The following PDE6A variants were observed in gnomAD, a reference collection of about 807,000 sequenced individuals.
PDE6A encodes the protein rod cGMP-specific 3',5'-cyclic phosphodiesterase subunit alpha.
In PDE6A, 84 loss-of-function variants were observed where a neutral mutation model predicts 106.3. That is an observed-to-expected ratio of 0.79 (90% CI 0.66 to 0.95). The LOEUF (loss-of-function observed/expected upper bound fraction) is 0.95, where lower values mean the gene tolerates loss of function less well. Ranked by LOEUF, PDE6A falls within the 40% of genes least tolerant of loss-of-function variation. PDE6A has a pLI of 0.00. For synonymous variants in PDE6A, 394 were observed against 386.6 expected, an observed-to-expected ratio of 1.02 and a Z score of -0.23; for missense variants, 1,052 against 1,084.9, an observed-to-expected ratio of 0.97 and a Z score of 0.43.
chr5:149,923,506 AAC>A lies in PDE6A; in HGVS notation c.859-1799_859-1798del, dbSNP rs1753782365. ...GAGTGAGACTCTGTCTCAAATAAATAACATAACATAACATAACATAACATAAC... is the reference window on the plus strand; with the variant it reads ...GAGTGAGACTCTGTCTCAAATAAATAATAACATAACATAACATAACATAAC... On this transcript the variant is annotated intron_variant, in intron 4 of 21. Coordinates refer to ENST00000255266, the MANE Select transcript of PDE6A (RefSeq NM_000440.3). Among the ~76,000 whole-genome samples, 6 of 162 alleles carry A rather than the reference AAC, an allele frequency of 0.037. 1 individual carries two copies. The South Asian group carries it at 0.43, about 12-fold the overall frequency. The allele number at this position is 162 out of a possible 152,430, so 0.1% of individuals were successfully genotyped here.
At chr5:149,900,680 T>G (rs539248848) in intron 8 of PDE6A, among the ~76,000 whole-genome samples, 1 of 151,888 alleles carries the variant, frequency 6.6e-6, no homozygotes, top group Non-Finnish European at 1.5e-5. Flanking sequence ...TAAATAATAC[T>G]GGAAAGTAAA....
chr5:149,894,316 T>C (rs1752651397), intron 13 of PDE6A, among the ~76,000 whole-genome samples: 1 of 152,146 alleles, frequency 6.6e-6, no homozygotes, highest in African/African-American at 2.4e-5. Flanking sequence ...GCTGTTTCTC[T>C]AGACACTGCC....
intron 6 of PDE6A, among the ~76,000 whole-genome samples, chr5:149,909,928 A>C (rs1317487157): frequency 6.6e-6 from 1 of 152,188 alleles, no homozygotes; most frequent in African/African-American, 2.4e-5. Context: ...TGTTCTATCT[A>C]TATTTATTAG....
chr5:149,865,450 GA>G (rs769897148), intron 20 of PDE6A, among the ~76,000 whole-genome samples: 1 of 151,178 alleles, frequency 6.6e-6, no homozygotes, highest in Non-Finnish European at 1.5e-5. Flanking sequence ...TGTCCTCAAT[GA>G]AAAAAAAGAA....
chr5:149,918,521 G>A (rs12654002), intron 5 of PDE6A, among the ~76,000 whole-genome samples: 133 of 152,306 alleles, frequency 8.7e-4, no homozygotes, highest in East Asian at 3.5e-3. Context: ...ACTTAATTTC[G>A]TATGGAGTGA....
chr5:149,859,577 C>T lies in PDE6A; in HGVS notation c.*1318G>A, dbSNP rs1319179994. The T allele has an allele frequency of 6.6e-6, 1 of 152,310 alleles. No individual in the cohort carries two copies. The allele number at this position is 152,310 out of a possible 1,614,324, so 9.4% of individuals were successfully genotyped here. The stretch of plus-strand genomic sequence containing the variant: ...GAGGAGTCGTGGAGCTGGAACAGCC[C>T]TGCACAGTTATCCCATGCTCAGCCA... On this transcript the variant is annotated 3_prime_UTR_variant, in exon 22 of 22. Transcript: ENST00000255266.
At position 149,944,289 on chromosome 5, in the gene PDE6A, C is replaced by G; in HGVS notation, c.385G>C (p.Asp129His). Residue 129 changes from aspartate (D) to histidine (H), a missense_variant, in exon 1 of 22, where the codon GAC becomes CAC. Around this residue, in one of 3 missense-constraint regions of PDE6A, gnomAD observed 913 missense variants for 915.2 expected, o/e 1.00. Transcript: ENST00000255266. ...AVLEDCLVMP[D>H]QEIVFPLDMG... ...TCCAAAGGGAAGACGATCTCTTGGT[C>G]GGGCATCACCAGGCAGTCCTCGAGG... 1 of 1,613,942 alleles carries G rather than the reference C, an allele frequency of 6.2e-7. No homozygotes were observed. The highest frequency in any genetic ancestry group is 1.6e-4 in the Middle Eastern group (1 of 6,062).
intron 4 of PDE6A, among the ~76,000 whole-genome samples, chr5:149,929,825 A>C (rs1258880119): frequency 6.6e-6 from 1 of 152,028 alleles, no homozygotes; most frequent in Non-Finnish European, 1.5e-5. Flanking sequence ...CTGTTCCTTA[A>C]TTTTGGTGGT....
intron 3 of PDE6A, 148 bp from the exon 4 acceptor site, chr5:149,931,316 T>C (rs1427023735): frequency 1.4e-6 from 1 of 738,384 alleles, no homozygotes; most frequent in South Asian, 1.7e-5. Flanking sequence ...AGGTTAACTA[T>C]CCCCTATTTT....
At chr5:149,884,342 A>ATG (rs1467670353) in intron 16 of PDE6A, 137 bp downstream of exon 16, 2 of 638,034 alleles carry the variant, frequency 3.1e-6, no homozygotes, top group Non-Finnish European at 5.7e-6. Context: ...ATGTATATAT[A>ATG]TGTGTGTATA....
At chr5:149,924,749 T>C (rs1398573074) in intron 4 of PDE6A, among the ~76,000 whole-genome samples, 2 of 152,128 alleles carry the variant, frequency 1.3e-5, no homozygotes, top group Non-Finnish European at 2.9e-5. Context: ...TGGGCCAAAA[T>C]CCCAGAGAGA....
At chr5:149,887,135 G>A (rs774922507) in intron 13 of PDE6A, among the ~76,000 whole-genome samples, 3 of 152,112 alleles carry the variant, frequency 2.0e-5, no homozygotes, top group East Asian at 1.9e-4. Flanking sequence ...TGAAAAATAC[G>A]AACACAAATA....
chr5:149,932,260 GAAC>G, intron 3 of PDE6A: 2 of 1,421,362 alleles, frequency 1.4e-6, no homozygotes, highest in Non-Finnish European at 2.0e-6. Context: ...CCATTTTGGC[GAAC>G]AGCAGTTTCA....
intron 4 of PDE6A, among the ~76,000 whole-genome samples, chr5:149,927,344 G>A (rs1753892570): frequency 6.6e-6 from 1 of 152,104 alleles, no homozygotes; most frequent in Admixed American, 6.5e-5. Flanking sequence ...CGCTACTATA[G>A]ACTTTATAAA....
intron 6 of PDE6A, among the ~76,000 whole-genome samples, chr5:149,907,610 T>A (rs1039419042): frequency 6.6e-6 from 1 of 152,204 alleles, no homozygotes; most frequent in African/African-American, 2.4e-5. Context: ...AGTTTCACCA[T>A]CTGAGAAAAG....
intron 17 of PDE6A, among the ~76,000 whole-genome samples, chr5:149,874,340 C>T (rs770541953): frequency 2.0e-5 from 3 of 152,124 alleles, no homozygotes; most frequent in South Asian, 4.1e-4. Flanking sequence ...TGTGTCCCTG[C>T]GTTCGGGTTC....
chr5:149,914,310 C>G (rs938687683), intron 6 of PDE6A, among the ~76,000 whole-genome samples: 2 of 152,178 alleles, frequency 1.3e-5, no homozygotes, highest in African/African-American at 4.8e-5. Context: ...CTCCCTGCCT[C>G]TAACCAACTG....
chr5:149,910,608 T>C (rs1332137324), intron 6 of PDE6A, among the ~76,000 whole-genome samples: 3 of 152,302 alleles, frequency 2.0e-5, no homozygotes, highest in East Asian at 3.9e-4. Context: ...TACATGGCAA[T>C]TGAATTCAAT....
chr5:149,923,075 A>G (rs1337414214), intron 4 of PDE6A, among the ~76,000 whole-genome samples: 1 of 152,230 alleles, frequency 6.6e-6, no homozygotes, highest in Non-Finnish European at 1.5e-5. Context: ...CTTTACTTCC[A>G]TGTTCAGCTA....
Sources: gnomAD v4.1 joint callset for allele counts (sites outside exome capture counted in the v4.1 genomes callset) on GRCh38, gnomAD v4.1.1 for gene constraint, gnomAD v4.1.1 regional missense constraint, MANE v1.5 for transcripts, NCBI Gene and HGNC (gene_info 2026-07-23, HGNC 2026-07-21) for gene names.